Variants in POFUT3 observed in about 807,000 individuals in gnomAD.
The protein encoded by POFUT3 is GDP-fucose protein O-fucosyltransferase 3.
the POFUT3 span, among the ~76,000 whole-genome samples, chr8:33,337,416 T>C: frequency 6.6e-6 from 1 of 152,186 alleles, no homozygotes; most frequent in African/African-American, 2.4e-5. Flanking sequence ...GAACTCAGTA[T>C]TCAAAGAATG....
the POFUT3 span, among the ~76,000 whole-genome samples, chr8:33,456,540 A>G: frequency 1.9e-3 from 293 of 151,730 alleles, no homozygotes; most frequent in Non-Finnish European, 2.9e-3. Context: ...TTGTATTTTT[A>G]GTAGAGACAG....
chr8:33,418,555 G>A, the POFUT3 span, among the ~76,000 whole-genome samples: 92 of 151,920 alleles, frequency 6.1e-4, no homozygotes, highest in South Asian at 3.1e-3. Context: ...TGCCCACCTC[G>A]GCCTCTCAAA....
At chr8:33,329,180 C>A in the POFUT3 span, among the ~76,000 whole-genome samples, 25 of 152,282 alleles carry the variant, frequency 1.6e-4, no homozygotes, top group African/African-American at 5.5e-4. Flanking sequence ...CAATCAATTT[C>A]TTTCTTTTCC....
chr8:33,354,390 C>T, the POFUT3 span, among the ~76,000 whole-genome samples: 3,267 of 152,138 alleles, frequency 0.021, 104 homozygotes, highest in African/African-American at 0.076. Flanking sequence ...ATGTAAGCCC[C>T]GGTTTGAGTC....
the POFUT3 span, among the ~76,000 whole-genome samples, chr8:33,448,195 T>TTC: frequency 6.7e-6 from 1 of 149,372 alleles, no homozygotes; most frequent in East Asian, 2.0e-4. Flanking sequence ...AATTTTTTTT[T>TTC]ATTAGCCAGA....
the POFUT3 span, among the ~76,000 whole-genome samples, chr8:33,426,588 G>A: frequency 6.6e-6 from 1 of 152,110 alleles, no homozygotes; most frequent in African/African-American, 2.4e-5. Flanking sequence ...CATCCACTGG[G>A]CATACAAAGG....
chr8:33,429,858 TG>T, the POFUT3 span, among the ~76,000 whole-genome samples: 7 of 152,102 alleles, frequency 4.6e-5, no homozygotes, highest in African/African-American at 1.7e-4. Flanking sequence ...TAGCTGGGCA[TG>T]GTGGTGGGCA....
chr8:33,460,774 G>GT, the POFUT3 span: 37 of 984,890 alleles, frequency 3.8e-5, no homozygotes, highest in South Asian at 6.1e-4. Flanking sequence ...AGTTTCACCT[G>GT]TTTAAAAAAG....
the POFUT3 span, among the ~76,000 whole-genome samples, chr8:33,310,409 C>T: frequency 6.6e-6 from 1 of 152,070 alleles, no homozygotes; most frequent in African/African-American, 2.4e-5. Context: ...TGTCCTTTTT[C>T]AAAACACAAT....
chr8:33,370,068 A>G, the POFUT3 span, among the ~76,000 whole-genome samples: 1 of 149,756 alleles, frequency 6.7e-6, no homozygotes, highest in Non-Finnish European at 1.5e-5. Flanking sequence ...GCAGTGGCTC[A>G]GGCCTATAAT....
the POFUT3 span, among the ~76,000 whole-genome samples, chr8:33,456,131 T>A: frequency 1.3e-5 from 2 of 152,170 alleles, no homozygotes; most frequent in Admixed American, 6.6e-5. Context: ...AGATGACTTG[T>A]AGCCACAAAC....
chr8:33,390,808 G>A, the POFUT3 span, among the ~76,000 whole-genome samples: 2 of 152,150 alleles, frequency 1.3e-5, no homozygotes, highest in Non-Finnish European at 2.9e-5. Context: ...AGTGACCCTA[G>A]CATCCACGGG....
chr8:33,463,247 G>A, the POFUT3 span, among the ~76,000 whole-genome samples: 1 of 151,948 alleles, frequency 6.6e-6, no homozygotes, highest in Non-Finnish European at 1.5e-5. Flanking sequence ...GCTCACACCT[G>A]TAATCCCAGC....
chr8:33,389,750 T>C, the POFUT3 span: 1 of 1,614,146 alleles, frequency 6.2e-7, no homozygotes, highest in Non-Finnish European at 8.5e-7. Context: ...AGCCCAGTCA[T>C]GATGGGCTTT....
At chr8:33,321,896 C>T in the POFUT3 span, among the ~76,000 whole-genome samples, 1 of 152,092 alleles carries the variant, frequency 6.6e-6, no homozygotes, top group South Asian at 2.1e-4. Flanking sequence ...ATAATAAGCA[C>T]CCATATCACA....
chr8:33,406,656 A>G, the POFUT3 span, among the ~76,000 whole-genome samples: 2 of 150,858 alleles, frequency 1.3e-5, no homozygotes, highest in Non-Finnish European at 3.0e-5. Flanking sequence ...CTGGTTTTGA[A>G]CTCCTGCGCT....
chr8:33,370,071 C>A, the POFUT3 span, among the ~76,000 whole-genome samples: 1 of 149,348 alleles, frequency 6.7e-6, no homozygotes, highest in African/African-American at 2.5e-5. Flanking sequence ...GTGGCTCAGG[C>A]CTATAATCCC....
At chr8:33,383,537 A>G in the POFUT3 span, among the ~76,000 whole-genome samples, 32 of 152,244 alleles carry the variant, frequency 2.1e-4, no homozygotes, top group African/African-American at 7.2e-4. Flanking sequence ...GGTGGCTCAT[A>G]CCTGTAATCT....
the POFUT3 span, among the ~76,000 whole-genome samples, chr8:33,447,068 T>C: frequency 6.6e-6 from 1 of 152,176 alleles, no homozygotes; most frequent in Non-Finnish European, 1.5e-5. Context: ...CATCCATAGA[T>C]GGTGTATGGA....
Sources: gnomAD v4.1 joint callset for allele counts (sites outside exome capture counted in the v4.1 genomes callset) on GRCh38, gnomAD v4.1.1 for gene constraint, MANE v1.5 for transcripts, NCBI Gene and HGNC (gene_info 2026-07-23, HGNC 2026-07-21) for gene names.